SV2C: variants seen among roughly 807,000 people sequenced by gnomAD.
SV2C encodes synaptic vesicle glycoprotein 2C, also known as solute carrier family 22 member B3.
SV2C carries 49 observed loss-of-function variants against 79.7 expected under a neutral mutation model. The ratio of observed to expected loss-of-function variants is 0.61; its 90% CI spans 0.49 to 0.78. The LOEUF is 0.78. SV2C is among the 30% of genes least tolerant of loss of function. The pLI is 0.00. For synonymous variants in SV2C, 334 were observed against 333.2 expected (o/e 1.00, Z -0.03); for missense variants, 833 against 912.9 (o/e 0.91, Z 1.13).
the SV2C span, among the ~76,000 whole-genome samples, chr5:75,890,324 A>G: frequency 6.6e-6 from 1 of 152,110 alleles, no homozygotes; most frequent in African/African-American, 2.4e-5. Context: ...TCTTTATTAT[A>G]CATAGAATAC....
chr5:76,327,800 C>G lies in SV2C; in HGVS notation c.*2253C>G, dbSNP rs2937740. The G allele has an allele frequency of 0.064, 9,779 of 152,316 alleles. 405 individuals carry two copies. Among genetic ancestry groups the G allele is most frequent in the East Asian group, 0.085 (439 of 5,182 alleles). 9.4% of individuals were successfully genotyped at this position (152,316 alleles called of 1,614,324 possible). On this transcript the variant is annotated 3_prime_UTR_variant, in exon 13 of 13. Transcript: ENST00000502798. The stretch of plus-strand genomic sequence containing the variant: ...TCTGGGGTCTAAATGCATAAAACAT[C>G]TCCCAAGCTGCAGAGCACAGTTATT...
the SV2C span, among the ~76,000 whole-genome samples, chr5:75,954,467 C>A: frequency 6.6e-6 from 1 of 151,904 alleles, no homozygotes; most frequent in East Asian, 1.9e-4. Context: ...GGAAGCATTC[C>A]CTTTGAAAAC....
At chr5:76,187,536 A>G (rs1743957961) in intron 2 of SV2C, among the ~76,000 whole-genome samples, 1 of 152,138 alleles carries the variant, frequency 6.6e-6, no homozygotes, top group Non-Finnish European at 1.5e-5. Context: ...TTTGTGGTAA[A>G]TATTCTCTCA....
chr5:76,304,683 C>T (rs564364588), intron 12 of SV2C, among the ~76,000 whole-genome samples: 2 of 152,266 alleles, frequency 1.3e-5, no homozygotes, highest in East Asian at 3.9e-4. Context: ...TTGCTGAGTC[C>T]TTCAGAGGAG....
rs913476495 is a variant in SV2C, at chr5:76,291,411, G to A, written c.1248+80G>A. 5.2e-6 allele frequency: 6 copies of A among 1,150,740 alleles called. No individual in the cohort carries two copies. The East Asian group carries it at 7.6e-5, about 15-fold the overall frequency. 71.3% of individuals were successfully genotyped at this position (1,150,740 alleles called of 1,614,324 possible). On this transcript the variant is annotated intron_variant, in intron 7 of 12. Transcript: ENST00000502798. ...GTCAGAAGAGGGGTTTACTGGGCCT[G>A]CCCTATGAGCGAGGTTCTTTCCTGC...
chr5:76,096,844 A>C (rs1248147319), intron 1 of SV2C, among the ~76,000 whole-genome samples: 2 of 152,178 alleles, frequency 1.3e-5, no homozygotes, highest in Non-Finnish European at 2.9e-5. Context: ...TCTCTGCCTG[A>C]CTGTCTTTGA....
chr5:75,908,734 A>T, the SV2C span, among the ~76,000 whole-genome samples: 1 of 152,216 alleles, frequency 6.6e-6, no homozygotes, highest in Non-Finnish European at 1.5e-5. Context: ...CAATATCATT[A>T]GTTCCTGTGT....
the SV2C span, among the ~76,000 whole-genome samples, chr5:75,852,583 TGAA>T: frequency 1.3e-5 from 2 of 151,948 alleles, no homozygotes; most frequent in Non-Finnish European, 2.9e-5. Flanking sequence ...AAAGGCAAAA[TGAA>T]GACATTTTCA....
the SV2C span, among the ~76,000 whole-genome samples, chr5:75,945,888 GAAAAC>G: frequency 1.3e-5 from 2 of 151,854 alleles, no homozygotes; most frequent in Non-Finnish European, 2.9e-5. Context: ...AAGCAAAAAA[GAAAAC>G]AAAACATATC....
the SV2C span, among the ~76,000 whole-genome samples, chr5:76,044,936 A>G: frequency 6.6e-6 from 1 of 152,012 alleles, no homozygotes; most frequent in African/African-American, 2.4e-5. Flanking sequence ...CCCATTTGTC[A>G]ATTTTTGCTT....
chr5:76,023,656 A>G, the SV2C span, among the ~76,000 whole-genome samples: 7 of 133,886 alleles, frequency 5.2e-5, no homozygotes, highest in African/African-American at 1.7e-4. Context: ...GTGTGTGTGT[A>G]TATATACATA....
chr5:76,217,642 G>T (rs1034161549), intron 4 of SV2C, among the ~76,000 whole-genome samples: 1 of 152,002 alleles, frequency 6.6e-6, no homozygotes, highest in African/African-American at 2.4e-5. Flanking sequence ...TCCTACATGG[G>T]ATACCCAGAT....
the SV2C span, among the ~76,000 whole-genome samples, chr5:75,898,083 T>C: frequency 6.6e-6 from 1 of 152,180 alleles, no homozygotes; most frequent in South Asian, 2.1e-4. Context: ...CTAATTGCCC[T>C]GGCCAGAACT....
the SV2C span, among the ~76,000 whole-genome samples, chr5:75,874,610 C>CA: frequency 6.6e-6 from 1 of 152,210 alleles, no homozygotes; most frequent in East Asian, 1.9e-4. Flanking sequence ...GAGAGGAAGT[C>CA]AAACAATCTC....
the SV2C span, among the ~76,000 whole-genome samples, chr5:76,062,510 T>G: frequency 6.6e-6 from 1 of 152,032 alleles, no homozygotes; most frequent in Non-Finnish European, 1.5e-5. Flanking sequence ...CTGTAAGAAA[T>G]AAATTTCTGT....
At chr5:75,956,600 G>T in the SV2C span, among the ~76,000 whole-genome samples, 1 of 151,884 alleles carries the variant, frequency 6.6e-6, no homozygotes, top group Non-Finnish European at 1.5e-5. Context: ...GGTAGCTCGG[G>T]TTGAAAATTA....
intron 1 of SV2C, among the ~76,000 whole-genome samples, chr5:76,097,589 G>T (rs900813832): frequency 6.6e-6 from 1 of 152,032 alleles, no homozygotes; most frequent in African/African-American, 2.4e-5. Context: ...TCTTCTATTT[G>T]ACCTTAAGGC....
the SV2C span, among the ~76,000 whole-genome samples, chr5:75,913,421 G>C: frequency 1.3e-5 from 2 of 152,190 alleles, no homozygotes; most frequent in East Asian, 3.8e-4. Flanking sequence ...AGGGTCCCAG[G>C]CAGGTGAGCT....
the SV2C span, among the ~76,000 whole-genome samples, chr5:75,917,936 T>C: frequency 6.6e-6 from 1 of 152,170 alleles, no homozygotes; most frequent in African/African-American, 2.4e-5. Flanking sequence ...CCCATAAATA[T>C]TTATACCTAC....
Sources: gnomAD v4.1 joint callset for allele counts (sites outside exome capture counted in the v4.1 genomes callset) on GRCh38, gnomAD v4.1.1 for gene constraint, MANE v1.5 for transcripts, NCBI Gene and HGNC (gene_info 2026-07-23, HGNC 2026-07-21) for gene names.